The following SLIT2 variants were observed in gnomAD, a reference collection of about 807,000 sequenced individuals.
SLIT2 encodes slit homolog 2 protein.
A neutral mutation model predicts 185.7 loss-of-function variants in SLIT2; 41 were observed. The ratio of observed to expected loss-of-function variants is 0.22; its 90% CI spans 0.17 to 0.29. SLIT2 has a LOEUF of 0.29. SLIT2 is among the 10% of genes least tolerant of loss of function. The pLI is 1.00. For synonymous variants in SLIT2, 693 were observed against 680.2 expected (o/e 1.02, Z -0.29); for missense variants, 1,571 against 1,909.0 (o/e 0.82, Z 3.30).
chr4:20,529,744 A>G (rs2148858645), intron 16 of SLIT2, among the ~76,000 whole-genome samples: 1 of 152,322 alleles, frequency 6.6e-6, no homozygotes, highest in African/African-American at 2.4e-5. Flanking sequence ...GTTTGCCTTT[A>G]CTGACTTTAT....
intron 4 of SLIT2, among the ~76,000 whole-genome samples, chr4:20,397,574 G>A (rs1237348945): frequency 6.6e-6 from 1 of 151,764 alleles, no homozygotes; most frequent in Non-Finnish European, 1.5e-5. Context: ...ATTTTGCAAG[G>A]CAGTTATAAA....
At chr4:20,387,542 A>G (rs1725029679) in intron 4 of SLIT2, among the ~76,000 whole-genome samples, 1 of 152,152 alleles carries the variant, frequency 6.6e-6, no homozygotes, top group African/African-American at 2.4e-5. Context: ...AGCCTCTGGA[A>G]AACTCCACTG....
intron 4 of SLIT2, among the ~76,000 whole-genome samples, chr4:20,425,023 C>T (rs969226560): frequency 6.6e-6 from 1 of 151,952 alleles, no homozygotes; most frequent in African/African-American, 2.4e-5. Flanking sequence ...TTGTCTTTTT[C>T]CCAAAGGATG....
chr4:20,361,768 G>A (rs1011226019), intron 4 of SLIT2, among the ~76,000 whole-genome samples: 44 of 152,066 alleles, frequency 2.9e-4, no homozygotes, highest in African/African-American at 1.0e-3. Flanking sequence ...GTATCTCTAA[G>A]TATATTTTAT....
chr4:20,285,979 G>A (rs564838296), intron 4 of SLIT2, among the ~76,000 whole-genome samples: 240 of 152,322 alleles, frequency 1.6e-3, no homozygotes, highest in African/African-American at 5.5e-3. Context: ...GCTCTTCCAA[G>A]TGCCTTATTT....
In SLIT2 at chr4:20,546,119, TTTC is replaced by T. The variant is rs1173504524; in HGVS notation, c.2345+23_2345+25del. 3 of 1,373,080 alleles carry T rather than the reference TTTC, an allele frequency of 2.2e-6. No homozygotes were observed. Among genetic ancestry groups the T allele is most frequent in the Non-Finnish European group, 2.0e-6 (2 of 979,128 alleles). 85.1% of individuals were successfully genotyped at this position (1,373,080 alleles called of 1,614,324 possible). A position where few individuals can be genotyped will look rare whatever the true frequency, so the allele number is the denominator to read the frequency against. The stretch of plus-strand genomic sequence containing the variant: ...ACTTATGTGAGTAACATATTGCACT[TTTC>T]TTTGACTTACTCTATTTCCAGAAAA... On this transcript the variant is annotated intron_variant, in intron 22 of 36. Coordinates refer to ENST00000504154, the MANE Select transcript of SLIT2 (RefSeq NM_004787.4).
At chr4:20,263,748 A>G (rs1712740868) in intron 3 of SLIT2, among the ~76,000 whole-genome samples, 1 of 151,884 alleles carries the variant, frequency 6.6e-6, no homozygotes, top group Admixed American at 6.6e-5. Flanking sequence ...TATATCTCAT[A>G]GTGGCAATAA....
At chr4:20,284,321 G>A (rs1715064373) in intron 4 of SLIT2, among the ~76,000 whole-genome samples, 1 of 152,150 alleles carries the variant, frequency 6.6e-6, no homozygotes, top group South Asian at 2.1e-4. Context: ...GTGTATTATA[G>A]AAACTGCTAA....
At chr4:20,452,829 C>T (rs1014172198) in intron 4 of SLIT2, among the ~76,000 whole-genome samples, 6 of 152,128 alleles carry the variant, frequency 3.9e-5, no homozygotes, top group South Asian at 2.1e-4. Flanking sequence ...CTGTGGGAAC[C>T]GAGGCCTTTC....
chr4:20,606,399 T>G (rs1181835583), intron 33 of SLIT2, among the ~76,000 whole-genome samples: 2 of 151,954 alleles, frequency 1.3e-5, no homozygotes, highest in Admixed American at 1.3e-4. Context: ...GCAGGATCAC[T>G]TGAGTCCAGG....
At chr4:20,467,889 TTAAA>T (rs1416072673) in intron 5 of SLIT2, 66 bp downstream of exon 5, 6 of 776,710 alleles carry the variant, frequency 7.7e-6, no homozygotes, top group African/African-American at 1.8e-5. Context: ...CAAGTTTATA[TTAAA>T]TAAAGTGTCA....
At chr4:20,412,938 T>A (rs894884346) in intron 4 of SLIT2, among the ~76,000 whole-genome samples, 4 of 152,126 alleles carry the variant, frequency 2.6e-5, no homozygotes, top group Admixed American at 2.6e-4. Flanking sequence ...CAAGTTTGTT[T>A]TGTCAATTCT....
rs535860066 is a variant in SLIT2, at chr4:20,576,054, C to T, written c.3088+7050C>T. Among the ~76,000 whole-genome samples the T allele has an allele frequency of 9.2e-5, 14 of 152,208 alleles. No homozygotes were observed. In the South Asian group the frequency reaches 1.2e-3, roughly 14 times the overall value. On this transcript the variant is annotated intron_variant, in intron 29 of 36. Coordinates refer to ENST00000504154, the MANE Select transcript of SLIT2 (RefSeq NM_004787.4). Reference sequence around the variant, plus strand: ...TTGAGAGTAACATGTAACTATGTATCGGAAAACACTTTGAATTGGTAAATG... The same window carrying T: ...TTGAGAGTAACATGTAACTATGTATTGGAAAACACTTTGAATTGGTAAATG...
chr4:20,534,487 GGCATACAAACAC>G (rs1346860234), intron 18 of SLIT2, among the ~76,000 whole-genome samples: 5 of 152,006 alleles, frequency 3.3e-5, no homozygotes, highest in African/African-American at 1.2e-4. Context: ...TTTTTCATGT[GGCATACAAACAC>G]GCATATACAC....
chr4:20,389,109 A>G (rs1725205345), intron 4 of SLIT2, among the ~76,000 whole-genome samples: 1 of 150,828 alleles, frequency 6.6e-6, no homozygotes, highest in Admixed American at 6.6e-5. Context: ...TGTGGTGGGT[A>G]GACATTACTA....
intron 4 of SLIT2, among the ~76,000 whole-genome samples, chr4:20,368,376 CA>C (rs200073640): frequency 5.3e-4 from 80 of 150,112 alleles, no homozygotes; most frequent in African/African-American, 1.9e-3. Context: ...CAAAACAAAA[CA>C]AAAAAAAGAG....
intron 4 of SLIT2, among the ~76,000 whole-genome samples, chr4:20,291,512 T>A (rs1400029898): frequency 4.1e-4 from 43 of 105,576 alleles, no homozygotes; most frequent in South Asian, 7.3e-4. Flanking sequence ...TTTTTTTTTT[T>A]TTTTTTTTTT....
intron 4 of SLIT2, among the ~76,000 whole-genome samples, chr4:20,310,358 A>T (rs944152097): frequency 3.2e-4 from 49 of 152,100 alleles, no homozygotes; most frequent in African/African-American, 1.1e-3. Context: ...ATCTTTCTCT[A>T]TGCAATCTTC....
intron 4 of SLIT2, among the ~76,000 whole-genome samples, chr4:20,315,393 C>T (rs1015204315): frequency 4.6e-5 from 7 of 152,044 alleles, no homozygotes; most frequent in South Asian, 2.1e-4. Flanking sequence ...TTACCATTGA[C>T]GTAGATGATA....
Sources: gnomAD v4.1 joint callset for allele counts (sites outside exome capture counted in the v4.1 genomes callset) on GRCh38, gnomAD v4.1.1 for gene constraint, MANE v1.5 for transcripts, NCBI Gene and HGNC (gene_info 2026-07-23, HGNC 2026-07-21) for gene names.